UPF3B: variants seen among roughly 807,000 people sequenced by gnomAD.
UPF3B encodes regulator of nonsense transcripts 3B.
In UPF3B, 7 loss-of-function variants were observed where a neutral mutation model predicts 40.3. That is an observed-to-expected ratio of 0.17 (90% CI 0.10 to 0.33). The LOEUF (loss-of-function observed/expected upper bound fraction) is 0.33, where lower values mean the gene tolerates loss of function less well. UPF3B is among the 10% of genes least tolerant of loss of function. UPF3B has a pLI of 1.00. For synonymous variants in UPF3B, 117 were observed against 117.3 expected (o/e 1.00, Z 0.01); for missense variants, 229 against 358.9 (o/e 0.64, Z 2.93).
At chrX:119,824,053 G>C (rs2055953870) in intron 3 of UPF3B, among the ~76,000 whole-genome samples, 1 of 110,643 alleles carries the variant, frequency 9.0e-6, no homozygotes, top group African/African-American at 3.3e-5. Context: ...GAGCAAACTA[G>C]AAGAAGAAAG....
chrX:119,819,842 C>CT (rs34094727), intron 4 of UPF3B, among the ~76,000 whole-genome samples: 1,456 of 68,529 alleles, frequency 0.021, 33 homozygotes, highest in African/African-American at 0.048. Flanking sequence ...TCTATTTTTC[C>CT]TTTTTTTTTT....
At chrX:119,818,754 G>A (rs1339124538) in intron 4 of UPF3B, among the ~76,000 whole-genome samples, 1 of 111,993 alleles carries the variant, frequency 8.9e-6, no homozygotes, top group African/African-American at 3.2e-5. Flanking sequence ...GATCTATTAC[G>A]TTGCTGCATA....
chrX:119,848,721 G>A (rs770803753), intron 3 of UPF3B, among the ~76,000 whole-genome samples: 1 of 111,041 alleles, frequency 9.0e-6, no homozygotes, highest in South Asian at 3.8e-4. Context: ...GGTAAAAGAA[G>A]CCAGTCAGAA....
At position 119,852,788 on chromosome X, in the gene UPF3B, T is replaced by C. The variant is rs1603373058; in HGVS notation, c.141A>G (p.Lys47=). ...GACCGGGCACCTTGCTCAGCGCTTC[T>C]TTCTTCTCCTTGTTGCGATCCTGCT... ...EDKQDRNKEK[K]EALSKVVIRR... Residue 47 remains lysine, a synonymous_variant, in exon 1 of 11, where the codon AAA becomes AAG. Coordinates refer to ENST00000276201, the MANE Select transcript of UPF3B (RefSeq NM_080632.3). 1 of 1,212,424 alleles carries C rather than the reference T, an allele frequency of 8.2e-7. No individual in the cohort carries two copies.
At chrX:119,820,195 G>T (rs775820643) in intron 4 of UPF3B, among the ~76,000 whole-genome samples, 6 of 111,867 alleles carry the variant, frequency 5.4e-5, no homozygotes, top group Non-Finnish European at 9.4e-5. Flanking sequence ...TCAGGCAGGA[G>T]TGCAGTGGTG....
intron 4 of UPF3B, among the ~76,000 whole-genome samples, chrX:119,818,462 T>C (rs1290647354): frequency 9.0e-6 from 1 of 110,746 alleles, no homozygotes; most frequent in Non-Finnish European, 1.9e-5. Flanking sequence ...GTGTCTGTAA[T>C]TCCAACTACT....
intron 7 of UPF3B, 91 bp from the exon 8 acceptor site, chrX:119,840,775 G>T: frequency 1.1e-6 from 1 of 897,340 alleles, no homozygotes; most frequent in Non-Finnish European, 1.6e-6. Context: ...ATGCCAGCCA[G>T]CCCTAAGCCC....
At chrX:119,815,850 C>T (rs1055634906) in intron 4 of UPF3B, among the ~76,000 whole-genome samples, 2 of 111,828 alleles carry the variant, frequency 1.8e-5, no homozygotes, top group African/African-American at 3.2e-5. Flanking sequence ...AGTGCAATCT[C>T]GGCTCACTGT....
At position 119,838,356 on chromosome X, in the gene UPF3B, T is replaced by C. The variant is rs767255304; in HGVS notation, c.1007+11A>G. On this transcript the variant is annotated intron_variant, in intron 9 of 10. Transcript: ENST00000276201. Reference sequence around the variant, plus strand: ...TAAATCAAACATAACAAAGAGTCCTTGACTACTGACCTCTTTGGTTTTTCA... The same window carrying C: ...TAAATCAAACATAACAAAGAGTCCTCGACTACTGACCTCTTTGGTTTTTCA... The C allele has an allele frequency of 3.3e-6, 4 of 1,210,247 alleles. No homozygotes were observed. The highest frequency in any genetic ancestry group is 4.5e-6 in the Non-Finnish European group (4 of 894,177).
At chrX:119,831,676 T>A, downstream of UPF3B, 1 of 753,701 alleles carries the variant, frequency 1.3e-6, no homozygotes. Context: ...CTGGTGAGTA[T>A]CTATAGTTGG....
chrX:119,829,029 C>T (rs2056010192), downstream of UPF3B, among the ~76,000 whole-genome samples: 1 of 109,260 alleles, frequency 9.2e-6, no homozygotes, highest in Admixed American at 9.8e-5. Context: ...CCAATTCTTT[C>T]TTTTTTTTCT....
rs146906072 is a variant in UPF3B, at chrX:119,811,863, G to C, written c.602+3337C>G. Among the ~76,000 whole-genome samples, 415 of 110,877 alleles carry C rather than the reference G, an allele frequency of 3.7e-3. 1 individual carries two copies. Among genetic ancestry groups the C allele is most frequent in the African/African-American group, 0.013 (405 of 30,519 alleles). On this transcript the variant is annotated intron_variant, in intron 5 of 6. Transcript: ENST00000636792. ...GCTACTCAGGAGGCTGATGTGGGAGGATCAACTGAACCCAGAAGGTCAAGG... is the reference window on the plus strand; with the variant it reads ...GCTACTCAGGAGGCTGATGTGGGAGCATCAACTGAACCCAGAAGGTCAAGG...
chrX:119,823,712 C>T (rs1415125414), intron 3 of UPF3B, among the ~76,000 whole-genome samples: 1 of 109,464 alleles, frequency 9.1e-6, no homozygotes, highest in African/African-American at 3.3e-5. Flanking sequence ...TACAGGCATG[C>T]GCCACCATGC....
Position 119,814,962 on chromosome X carries a change from T to C in UPF3B, c.602+238A>G, listed in dbSNP as rs906184865. Among the ~76,000 whole-genome samples the C allele has an allele frequency of 4.9e-5, 5 of 103,091 alleles. No homozygotes were observed. The Admixed American group carries it at 5.6e-4, about 11-fold the overall frequency. 89.5% of individuals were successfully genotyped at this position (103,091 alleles called of 115,157 possible). A position where few individuals can be genotyped will look rare whatever the true frequency, so the allele number is the denominator to read the frequency against. Reference sequence around the variant, plus strand: ...CTTACTGCAACCTCCGCCTCCTGAGTTCAAGCGATTCTCCTGCCTCAGCCT... The same window carrying C: ...CTTACTGCAACCTCCGCCTCCTGAGCTCAAGCGATTCTCCTGCCTCAGCCT... On this transcript the variant is annotated intron_variant, in intron 5 of 6. Coordinates refer to the UPF3B transcript ENST00000636792.
At chrX:119,822,408 G>A (rs750925955) in intron 4 of UPF3B, among the ~76,000 whole-genome samples, 2 of 112,812 alleles carry the variant, frequency 1.8e-5, no homozygotes, top group African/African-American at 6.4e-5. Context: ...CTTTTCTCTC[G>A]TGTCACACGT....
At chrX:119,843,143 G>T (rs773715602) in intron 5 of UPF3B, 48 bp downstream of exon 5, 1 of 857,587 alleles carries the variant, frequency 1.2e-6, no homozygotes, top group Non-Finnish European at 1.7e-6. Flanking sequence ...AGGAGACTTA[G>T]GTACTGTGAT....
intron 3 of UPF3B, among the ~76,000 whole-genome samples, chrX:119,827,616 C>T (rs888373514): frequency 3.6e-5 from 4 of 111,567 alleles, no homozygotes; most frequent in Admixed American, 9.6e-5. Flanking sequence ...AGGATAGTCT[C>T]GGTCTTTTGA....
At chrX:119,831,855 A>G (rs1955770160), downstream of UPF3B, 8 of 261,503 alleles carry the variant, frequency 3.1e-5, no homozygotes, top group Admixed American at 7.6e-4. Context: ...TATATCCTAA[A>G]GCCCAGTCAT....
Position 119,838,331 on chromosome X carries a change from T to C in UPF3B, c.1007+36A>G, listed in dbSNP as rs776752108. ...GACATAGCAGCAAAACTAGCATGTATAAATCAAACATAACAAAGAGTCCTT... is the reference window on the plus strand; with the variant it reads ...GACATAGCAGCAAAACTAGCATGTACAAATCAAACATAACAAAGAGTCCTT... On this transcript the variant is annotated intron_variant, in intron 9 of 10. Transcript: ENST00000276201. 9 of 1,203,830 alleles carry C rather than the reference T, an allele frequency of 7.5e-6. 1 individual carries two copies. The South Asian group carries it at 1.4e-4, about 19-fold the overall frequency.
Sources: gnomAD v4.1 joint callset for allele counts (sites outside exome capture counted in the v4.1 genomes callset) on GRCh38, gnomAD v4.1.1 for gene constraint, MANE v1.5 for transcripts, NCBI Gene and HGNC (gene_info 2026-07-23, HGNC 2026-07-21) for gene names.